Variants in C11orf65 observed in about 807,000 individuals in gnomAD.
The protein encoded by C11orf65 is protein MFI.
In C11orf65, 38 loss-of-function variants were observed where a neutral mutation model predicts 35.3. The ratio of observed to expected loss-of-function variants is 1.08; its 90% CI spans 0.83 to 1.41. The LOEUF is 1.41. Ranked by LOEUF, C11orf65 falls within the 40% of genes most tolerant of loss-of-function variation. The probability of loss-of-function intolerance (pLI) is 0.00; values close to 1 mark genes in which losing one functional copy is unlikely to be tolerated. For missense variants in C11orf65, 370 were observed against 367.1 expected, an observed-to-expected ratio of 1.01 and a Z score of -0.06; for synonymous variants, 105 against 114.4, an observed-to-expected ratio of 0.92 and a Z score of 0.53.
chr11:108,369,079 T>G (rs921531831), intron 2 of C11orf65: 1 of 172,240 alleles, frequency 5.8e-6, no homozygotes, highest in Admixed American at 6.4e-5. Flanking sequence ...AAAGTGTTTT[T>G]GAATAAATAA....
At chr11:108,323,890 A>G (rs1033722290) in intron 6 of C11orf65, among the ~76,000 whole-genome samples, 3 of 152,194 alleles carry the variant, frequency 2.0e-5, no homozygotes, top group Non-Finnish European at 1.5e-5. Flanking sequence ...AAGCAGAGAT[A>G]AGAATTCATC....
intron 2 of C11orf65, among the ~76,000 whole-genome samples, chr11:108,373,442 T>TA (rs1280532842): frequency 6.6e-6 from 1 of 152,200 alleles, no homozygotes; most frequent in Non-Finnish European, 1.5e-5. Flanking sequence ...ATGCCACTCT[T>TA]ACCACTTCTA....
At chr11:108,376,019 T>G (rs2091714144) in intron 2 of C11orf65, among the ~76,000 whole-genome samples, 1 of 152,040 alleles carries the variant, frequency 6.6e-6, no homozygotes, top group Admixed American at 6.5e-5. Flanking sequence ...AGACTTAGAC[T>G]CCCACACAAT....
At chr11:108,426,671 A>AC (rs2092907242) in intron 3 of C11orf65, among the ~76,000 whole-genome samples, 1 of 152,148 alleles carries the variant, frequency 6.6e-6, no homozygotes, top group African/African-American at 2.4e-5. Flanking sequence ...ATGGAACCAA[A>AC]AAAAAAACCT....
At chr11:108,393,428 A>AC in intron 6 of C11orf65, 50 bp from the exon 7 acceptor site, 1 of 1,484,720 alleles carries the variant, frequency 6.7e-7, no homozygotes, top group Non-Finnish European at 9.4e-7. Flanking sequence ...ATAGGAGATT[A>AC]CAAGTAGATA....
At chr11:108,417,655 A>G (rs1364971190) in intron 3 of C11orf65, among the ~76,000 whole-genome samples, 2 of 152,204 alleles carry the variant, frequency 1.3e-5, no homozygotes, top group Admixed American at 6.5e-5. Context: ...AAGATGTACC[A>G]TGCAAATAAG....
At chr11:108,405,296 T>C (rs752400164) in intron 6 of C11orf65, 133 bp downstream of exon 6, 39 of 818,786 alleles carry the variant, frequency 4.8e-5, no homozygotes, top group Non-Finnish European at 6.9e-5. Context: ...TTTATTCATC[T>C]GTCGTTTGGG....
chr11:108,316,895 C>T (rs1591785314), intron 6 of C11orf65, among the ~76,000 whole-genome samples: 2 of 152,000 alleles, frequency 1.3e-5, no homozygotes, highest in Admixed American at 6.6e-5. Context: ...CACTGCACTC[C>T]AGCCTGGGCA....
At position 108,361,879 on chromosome 11, in the gene C11orf65, T is replaced by C. The variant is rs1260288938; in HGVS notation, c.227-26587A>G. ...AACCTAGGCATTACCATTCAGGACATAGGCATGGGCAAGGACTTCATGTCC... is the reference window on the plus strand; with the variant it reads ...AACCTAGGCATTACCATTCAGGACACAGGCATGGGCAAGGACTTCATGTCC... On this transcript the variant is annotated intron_variant, in intron 2 of 3. Coordinates refer to the C11orf65 transcript ENST00000524755. Among the ~76,000 whole-genome samples, 68 of 151,032 alleles carry C rather than the reference T, an allele frequency of 4.5e-4. 1 individual carries two copies. Among genetic ancestry groups the C allele is most frequent in the African/African-American group, 1.5e-3 (62 of 41,116 alleles).
At chr11:108,368,018 GCT>G in intron 2 of C11orf65, 1 of 206,494 alleles carries the variant, frequency 4.8e-6, no homozygotes, top group Non-Finnish European at 9.9e-6. Flanking sequence ...GCTAATTCTT[GCT>G]AGTTGTTGCA....
intron 3 of C11orf65, among the ~76,000 whole-genome samples, chr11:108,417,795 A>G (rs2092761159): frequency 6.6e-6 from 1 of 152,136 alleles, no homozygotes; most frequent in South Asian, 2.1e-4. Context: ...GAGGGACAGC[A>G]TTAGGAGAAA....
intron 7 of C11orf65, among the ~76,000 whole-genome samples, chr11:108,391,683 A>G (rs115032278): frequency 0.013 from 1,984 of 150,900 alleles, 49 homozygotes; most frequent in African/African-American, 0.045. Context: ...CTGGCCCACA[A>G]TGAATTTTCA....
At chr11:108,381,222 C>G (rs1338815515), downstream of C11orf65, among the ~76,000 whole-genome samples, 1 of 152,042 alleles carries the variant, frequency 6.6e-6, no homozygotes, top group East Asian at 1.9e-4. Flanking sequence ...TTAGGTTGGC[C>G]CCTCTCACCA....
intron 2 of C11orf65, among the ~76,000 whole-genome samples, chr11:108,338,822 G>A (rs1399389630): frequency 6.6e-6 from 1 of 152,196 alleles, no homozygotes; most frequent in African/African-American, 2.4e-5. Flanking sequence ...CCAAGAATGT[G>A]AAAGTTGTGT....
intron 6 of C11orf65, chr11:108,325,681 A>G: frequency 3.6e-6 from 3 of 824,266 alleles, no homozygotes; most frequent in Non-Finnish European, 5.5e-6. Context: ...ATAATTGTTT[A>G]AGAGTTCCCA....
At chr11:108,361,406 C>G (rs1591363594) in intron 2 of C11orf65, among the ~76,000 whole-genome samples, 1 of 151,780 alleles carries the variant, frequency 6.6e-6, no homozygotes, top group East Asian at 1.9e-4. Flanking sequence ...GCATCCCCAT[C>G]AAGCTACCAA....
In C11orf65 at chr11:108,406,936, T is replaced by C. The variant is rs761311266; in HGVS notation, c.256A>G (p.Lys86Glu). Residue 86 changes from lysine (K) to glutamate (E), a missense_variant, in exon 5 of 9, where the codon AAG becomes GAG. By Grantham distance (56) the Lys-to-Glu change is moderately conservative. Coordinates refer to ENST00000393084, the MANE Select transcript of C11orf65 (RefSeq NM_152587.5). ...GVKFPPDIYY[K>E]IFTHRPIEDL... The stretch of plus-strand genomic sequence containing the variant: ...TCAATAGGTCTGTGAGTAAAAATCT[T>C]ATAGTATATATCAGGTGGAAATTTA... The C allele has an allele frequency of 1.9e-6, 3 of 1,611,606 alleles. No individual in the cohort carries two copies. The highest frequency in any genetic ancestry group is 2.5e-6 in the Non-Finnish European group (3 of 1,178,080).
intron 2 of C11orf65, chr11:108,336,026 G>A (rs2086813935): frequency 8.0e-7 from 1 of 1,255,378 alleles, no homozygotes; most frequent in Admixed American, 1.7e-5. Context: ...GTTGGGTGAA[G>A]TGGCTCATGC....
intron 2 of C11orf65, among the ~76,000 whole-genome samples, chr11:108,448,294 A>G (rs955017200): frequency 2.6e-5 from 4 of 152,230 alleles, no homozygotes; most frequent in Non-Finnish European, 5.9e-5. Context: ...TGAGGCCAGC[A>G]TTATCCTGAT....
Sources: allele counts gnomAD v4.1 joint callset (sites outside exome capture counted in the v4.1 genomes callset), GRCh38; gene constraint gnomAD v4.1.1; transcripts MANE v1.5; gene names NCBI Gene and HGNC (gene_info 2026-07-23, HGNC 2026-07-21).